Variants in PARD3B observed in about 807,000 individuals in gnomAD.
The protein encoded by PARD3B is partitioning defective 3 homolog B.
Under a neutral mutation model 130.2 loss-of-function variants are expected in PARD3B, and 103 were observed. That is an observed-to-expected ratio of 0.79 (90% confidence interval 0.67 to 0.93). The LOEUF (loss-of-function observed/expected upper bound fraction) is 0.93. Ranked by LOEUF, PARD3B falls within the 40% of genes least tolerant of loss-of-function variation. The pLI is 0.00. For synonymous variants in PARD3B, 583 were observed against 553.2 expected, an observed-to-expected ratio of 1.05 and a Z score of -0.76; for missense variants, 1,609 against 1,499.2, an observed-to-expected ratio of 1.07 and a Z score of -1.21.
At chr2:204,800,307 A>G (rs2042521229) in intron 2 of PARD3B, among the ~76,000 whole-genome samples, 1 of 152,184 alleles carries the variant, frequency 6.6e-6, no homozygotes, top group South Asian at 2.1e-4. Flanking sequence ...GTAGGCTTAA[A>G]GACAGGATAT....
chr2:205,308,621 C>CAAA (rs1252730210), intron 18 of PARD3B, among the ~76,000 whole-genome samples: 196 of 93,000 alleles, frequency 2.1e-3, no homozygotes, highest in Middle Eastern at 6.0e-3. Context: ...AAAAAAAAAC[C>CAAA]AAACAACAAA....
chr2:205,169,637 C>T (rs572030922), intron 11 of PARD3B, among the ~76,000 whole-genome samples: 14 of 152,204 alleles, frequency 9.2e-5, no homozygotes, highest in African/African-American at 2.6e-4. Context: ...TTCTTCCTGT[C>T]GTAGCAGATG....
intron 22 of PARD3B, among the ~76,000 whole-genome samples, chr2:205,602,467 G>C (rs1184618221): frequency 6.6e-6 from 1 of 152,174 alleles, no homozygotes; most frequent in East Asian, 1.9e-4. Flanking sequence ...GCTCCTCTTT[G>C]TACCTGTGGT....
At chr2:205,201,733 A>G (rs2037001572) in intron 15 of PARD3B, among the ~76,000 whole-genome samples, 1 of 152,186 alleles carries the variant, frequency 6.6e-6, no homozygotes, top group Non-Finnish European at 1.5e-5. Flanking sequence ...GCTACTTGGG[A>G]GGCTGAGGCA....
intron 2 of PARD3B, among the ~76,000 whole-genome samples, chr2:204,925,567 ACGGCAAG>A (rs757211284): frequency 0.21 from 32,528 of 152,066 alleles, 4,028 homozygotes; most frequent in Non-Finnish European, 0.29. Flanking sequence ...AACAGGAATT[ACGGCAAG>A]ATGAGGAAAC....
At chr2:204,929,351 C>T (rs2216852) in intron 2 of PARD3B, among the ~76,000 whole-genome samples, 85,373 of 151,908 alleles carry the variant, frequency 0.56, 25,406 homozygotes, top group African/African-American at 0.68. Flanking sequence ...ACGTCAAACC[C>T]GCCAATATTA....
chr2:204,630,813 C>T (rs976995525), intron 1 of PARD3B, among the ~76,000 whole-genome samples: 1 of 152,032 alleles, frequency 6.6e-6, no homozygotes, highest in Non-Finnish European at 1.5e-5. Context: ...GTGATAATAT[C>T]CCACTTATCA....
In PARD3B at chr2:205,236,618, A is replaced by G. The variant is rs1443734100; in HGVS notation, c.2141-9160A>G. ...CAAAAATAAAAACTAATAAAAATTT[A>G]GTGAATTGAACCCAACAATATATAA... On this transcript the variant is annotated intron_variant, in intron 15 of 22. Transcript: ENST00000406610. Among the ~76,000 whole-genome samples, 9 of 152,374 alleles carry G rather than the reference A, an allele frequency of 5.9e-5. No individual in the cohort carries two copies. In the East Asian group the frequency reaches 1.2e-3, roughly 20 times the overall value.
At chr2:205,489,478 AATATAC>A (rs1315413729) in intron 20 of PARD3B, among the ~76,000 whole-genome samples, 3 of 113,454 alleles carry the variant, frequency 2.6e-5, no homozygotes, top group Non-Finnish European at 5.6e-5. Flanking sequence ...TCTGCCTCTA[AATATAC>A]ATATATATGT....
rs1410269505 is a variant in PARD3B at position 205,321,930 on chromosome 2, A to C, written c.2630+20229A>C. Among the ~76,000 whole-genome samples the C allele has an allele frequency of 2.0e-5, 3 of 152,206 alleles. No homozygotes were observed. Among genetic ancestry groups the C allele is most frequent in the Non-Finnish European group, 4.4e-5 (3 of 68,034 alleles). ...TGTGATAAAGCGTCGGTAACCATTA[A>C]ATTTGGTGCAGAGTGCTTGAATGAA... On this transcript the variant is annotated intron_variant, in intron 18 of 22. Transcript: ENST00000406610. This position sits in a 1 kb window ranked among gnomAD's most constrained non-coding sequence, Gnocchi z 4.2.
chr2:205,233,342 A>G (rs1465533509), intron 15 of PARD3B, among the ~76,000 whole-genome samples: 2 of 152,210 alleles, frequency 1.3e-5, no homozygotes, highest in Non-Finnish European at 2.9e-5. Context: ...ACCAACAGGT[A>G]CACTATATGA....
chr2:204,846,747 A>G (rs1221021185), intron 2 of PARD3B, among the ~76,000 whole-genome samples: 2 of 151,114 alleles, frequency 1.3e-5, no homozygotes, highest in Non-Finnish European at 2.9e-5. Context: ...CTTCGTACAG[A>G]TGACACATTA....
At chr2:204,953,453 A>AGAGAGG (rs1457085198) in intron 2 of PARD3B, among the ~76,000 whole-genome samples, 10 of 149,142 alleles carry the variant, frequency 6.7e-5, no homozygotes, top group African/African-American at 2.3e-4. Context: ...AGAGAGAGAG[A>AGAGAGG]GAGAGAGAGA....
At chr2:205,539,725 A>G (rs538865733) in intron 21 of PARD3B, among the ~76,000 whole-genome samples, 67 of 152,160 alleles carry the variant, frequency 4.4e-4, no homozygotes, top group Non-Finnish European at 1.0e-4. Context: ...ATCACTGAAC[A>G]CAGTTCTCCA....
chr2:205,185,236 G>A (rs2036026573), intron 13 of PARD3B, among the ~76,000 whole-genome samples: 1 of 151,246 alleles, frequency 6.6e-6, no homozygotes, highest in South Asian at 2.1e-4. Context: ...GGCACAGATA[G>A]AAAAAAAGAG....
intron 7 of PARD3B, 40 bp downstream of exon 7, chr2:205,119,086 C>A (rs1425693118): frequency 1.3e-6 from 2 of 1,570,666 alleles, no homozygotes; most frequent in East Asian, 4.6e-5. Flanking sequence ...TTCTTGATCC[C>A]TAGCATGGTT....
chr2:205,233,541 T>A (rs796531187), intron 15 of PARD3B, among the ~76,000 whole-genome samples: 18 of 152,182 alleles, frequency 1.2e-4, no homozygotes, highest in African/African-American at 4.1e-4. Context: ...TTAAGACATA[T>A]AAAAATATAT....
In PARD3B at chr2:205,364,349, G is replaced by T. The variant is rs150843776; in HGVS notation, c.2631-36664G>T. 1.5e-4 allele frequency among the ~76,000 whole-genome samples: 23 copies of T among 152,182 alleles called. No homozygotes were observed. In the East Asian group the frequency reaches 4.3e-3, roughly 28 times the overall value. On this transcript the variant is annotated intron_variant, in intron 18 of 22. Coordinates refer to ENST00000406610, the MANE Select transcript of PARD3B (RefSeq NM_001302769.2). ...AGTCTTGACGTAGATAAGAGAAATG[G>T]CATTCCCTAGTGTACTGTTTCCTTT...
chr2:205,427,532 A>G (rs1357380277), intron 19 of PARD3B, among the ~76,000 whole-genome samples: 1 of 152,220 alleles, frequency 6.6e-6, no homozygotes, highest in African/African-American at 2.4e-5. Flanking sequence ...AGCAAAGTAT[A>G]GAAAAATATG....
Sources: gnomAD v4.1 joint callset for allele counts (sites outside exome capture counted in the v4.1 genomes callset) on GRCh38, gnomAD v4.1.1 for gene constraint, Gnocchi (gnomAD v3.1) non-coding constraint, MANE v1.5 for transcripts, NCBI Gene and HGNC (gene_info 2026-07-23, HGNC 2026-07-21) for gene names.